The following CNTN4 variants were observed in gnomAD, a reference collection of about 807,000 sequenced individuals.
CNTN4 encodes the protein contactin-4.
In CNTN4, 77 loss-of-function variants were observed where a neutral mutation model predicts 122.5. The observed-to-expected ratio is 0.63, with a 90% confidence interval of 0.52 to 0.76. CNTN4 has a LOEUF of 0.76. CNTN4 is among the 30% of genes least tolerant of loss of function. CNTN4 has a pLI of 0.00. For missense variants in CNTN4, 1,256 were observed against 1,259.1 expected (o/e 1.00, Z 0.04); for synonymous variants, 512 against 447.0 (o/e 1.15, Z -1.83).
chr3:2,505,975 T>C (rs1214353224), intron 3 of CNTN4, among the ~76,000 whole-genome samples: 1 of 152,094 alleles, frequency 6.6e-6, no homozygotes, highest in Non-Finnish European at 1.5e-5. Context: ...CCATAAAATA[T>C]ATATAAGGAC....
intron 2 of CNTN4, among the ~76,000 whole-genome samples, chr3:2,289,943 T>A (rs1190879251): frequency 6.6e-6 from 1 of 152,120 alleles, no homozygotes; most frequent in Non-Finnish European, 1.5e-5. Flanking sequence ...GGAGGCATAG[T>A]TTTCAGGGTT....
rs575690950 is a variant in CNTN4, at chr3:2,936,385, G to A, written c.1358+10606G>A. Among the ~76,000 whole-genome samples the A allele has an allele frequency of 5.3e-5, 8 of 152,236 alleles. No homozygotes were observed. In the South Asian group the frequency reaches 6.2e-4, roughly 12 times the overall value. On this transcript the variant is annotated intron_variant, in intron 13 of 24. Transcript: ENST00000418658. Reference sequence around the variant, plus strand: ...TCTCCATCTTCAAAGATGCTTTCTCGGGAATTCTGAGATGGGGCCCAGGAA... The same window carrying A: ...TCTCCATCTTCAAAGATGCTTTCTCAGGAATTCTGAGATGGGGCCCAGGAA...
chr3:2,982,231 C>G (rs1456950544), intron 13 of CNTN4, among the ~76,000 whole-genome samples: 1 of 152,054 alleles, frequency 6.6e-6, no homozygotes, highest in Non-Finnish European at 1.5e-5. Flanking sequence ...AATCTTCTAC[C>G]GAAAAGTTCT....
intron 2 of CNTN4, among the ~76,000 whole-genome samples, chr3:2,205,664 T>G (rs759774963): frequency 3.3e-5 from 5 of 152,078 alleles, no homozygotes; most frequent in Non-Finnish European, 7.4e-5. Flanking sequence ...ACAAGGGTGC[T>G]CATGCAATTT....
At chr3:2,227,968 G>A (rs979673589) in intron 2 of CNTN4, among the ~76,000 whole-genome samples, 3 of 152,124 alleles carry the variant, frequency 2.0e-5, no homozygotes, top group Non-Finnish European at 2.9e-5. Flanking sequence ...GATATTAGAA[G>A]TAAAGTATTA....
At chr3:2,508,482 A>G (rs772194920) in intron 3 of CNTN4, among the ~76,000 whole-genome samples, 6 of 152,202 alleles carry the variant, frequency 3.9e-5, no homozygotes, top group African/African-American at 9.6e-5. Context: ...AATTGTTCCC[A>G]TAACTTTCAT....
Position 2,814,914 on chromosome 3 carries a change from C to G in CNTN4, c.359-4572C>G, listed in dbSNP as rs1052002164. Among the ~76,000 whole-genome samples the G allele has an allele frequency of 5.9e-5, 9 of 152,298 alleles. No homozygotes were observed. In the East Asian group the frequency reaches 1.5e-3, roughly 26 times the overall value. ...CCACATGGTATGACTGCAATATAGT[C>G]TGCAAGTCAATTCTATTGTTGCTAT... On this transcript the variant is annotated intron_variant, in intron 6 of 24. Coordinates refer to ENST00000418658, the MANE Select transcript of CNTN4 (RefSeq NM_175607.3).
intron 14 of CNTN4, 35 bp from the exon 15 acceptor site, chr3:3,026,067 T>C: frequency 1.9e-6 from 3 of 1,581,978 alleles, no homozygotes; most frequent in Non-Finnish European, 2.6e-6. Flanking sequence ...ACAGACTTTG[T>C]TGTTGTTATT....
At chr3:2,291,624 C>CTTCAG (rs780179778) in intron 2 of CNTN4, among the ~76,000 whole-genome samples, 9,667 of 152,146 alleles carry the variant, frequency 0.064, 335 homozygotes, top group Non-Finnish European at 0.074. Flanking sequence ...GATTAATTCA[C>CTTCAG]TGAAGTCCTT....
At chr3:2,884,886 A>T (rs1029765306) in intron 9 of CNTN4, among the ~76,000 whole-genome samples, 4 of 152,240 alleles carry the variant, frequency 2.6e-5, no homozygotes, top group African/African-American at 9.6e-5. Context: ...GGGTATGCAC[A>T]TCCAGCTGCT....
intron 3 of CNTN4, among the ~76,000 whole-genome samples, chr3:2,410,984 C>T (rs2047206572): frequency 6.6e-6 from 1 of 152,076 alleles, no homozygotes; most frequent in Non-Finnish European, 1.5e-5. Flanking sequence ...GAATGAGCAC[C>T]AGCCAACAAA....
At chr3:2,672,695 A>G (rs555869858) in intron 4 of CNTN4, among the ~76,000 whole-genome samples, 2 of 152,284 alleles carry the variant, frequency 1.3e-5, no homozygotes, top group African/African-American at 2.4e-5. Flanking sequence ...TGTTGCTCAC[A>G]CTGGGAGCTG....
intron 2 of CNTN4, among the ~76,000 whole-genome samples, chr3:2,335,157 C>T (rs543521049): frequency 2.0e-5 from 3 of 152,040 alleles, no homozygotes; most frequent in Non-Finnish European, 2.9e-5. Flanking sequence ...GAGGGAGAGT[C>T]GTCTATTTAT....
chr3:2,809,449 G>A (rs2092551665), intron 6 of CNTN4, among the ~76,000 whole-genome samples: 1 of 152,186 alleles, frequency 6.6e-6, no homozygotes, highest in African/African-American at 2.4e-5. Context: ...GGAGGGAAGT[G>A]GCAGGGAGCA....
chr3:2,488,409 T>G (rs1011548847), intron 3 of CNTN4, among the ~76,000 whole-genome samples: 1 of 152,134 alleles, frequency 6.6e-6, no homozygotes, highest in South Asian at 2.1e-4. Context: ...TGTGTATGTT[T>G]GGTAAATTGG....
chr3:2,388,674 G>C (rs2046332943), intron 3 of CNTN4, among the ~76,000 whole-genome samples: 2 of 152,058 alleles, frequency 1.3e-5, no homozygotes, highest in Non-Finnish European at 2.9e-5. Context: ...ACAAAACTCT[G>C]TCTCTGCTAA....
intron 2 of CNTN4, among the ~76,000 whole-genome samples, chr3:2,264,766 G>A (rs2040973780): frequency 1.3e-5 from 2 of 152,026 alleles, no homozygotes; most frequent in Non-Finnish European, 1.5e-5. Context: ...TTACATTTAA[G>A]TGTTTAATCC....
chr3:2,329,284 C>T (rs1298306860), intron 2 of CNTN4, among the ~76,000 whole-genome samples: 1 of 152,162 alleles, frequency 6.6e-6, no homozygotes, highest in African/African-American at 2.4e-5. Flanking sequence ...CTCTCACCAT[C>T]GTTTCTACTA....
At chr3:2,591,093 C>A (rs1433382761) in intron 4 of CNTN4, among the ~76,000 whole-genome samples, 2 of 152,104 alleles carry the variant, frequency 1.3e-5, no homozygotes, top group Non-Finnish European at 2.9e-5. Flanking sequence ...TTTATAATTG[C>A]TAATTGCTTT....
Sources: gnomAD v4.1 joint callset for allele counts (sites outside exome capture counted in the v4.1 genomes callset) on GRCh38, gnomAD v4.1.1 for gene constraint, MANE v1.5 for transcripts, NCBI Gene and HGNC (gene_info 2026-07-23, HGNC 2026-07-21) for gene names.